GTF2A2: variants seen among roughly 807,000 people sequenced by gnomAD.
GTF2A2 encodes the protein transcription initiation factor IIA subunit 2.
A neutral mutation model predicts 14.3 loss-of-function variants in GTF2A2; 9 were observed. The observed-to-expected ratio is 0.63, with a 90% CI of 0.38 to 1.10. GTF2A2 has a LOEUF of 1.10. GTF2A2 is among the 50% of genes least tolerant of loss of function. GTF2A2 has a pLI of 0.01. For missense variants in GTF2A2, 90 were observed against 124.6 expected (o/e 0.72, Z 1.32); for synonymous variants, 56 against 46.0 (o/e 1.22, Z -0.88).
At chr15:59,645,059 A>C (rs1891557250) in intron 3 of GTF2A2, among the ~76,000 whole-genome samples, 1 of 152,120 alleles carries the variant, frequency 6.6e-6, no homozygotes, top group Non-Finnish European at 1.5e-5. Flanking sequence ...AAATGGAGAG[A>C]CTTTTAAAGT....
intron 2 of GTF2A2, chr15:59,651,979 T>C (rs1194952758): frequency 9.6e-6 from 4 of 414,640 alleles, no homozygotes; most frequent in East Asian, 9.2e-5. Flanking sequence ...ACACTGCATG[T>C]ACCCAGATTT....
At chr15:59,652,554 C>G (rs1891827907) in intron 1 of GTF2A2, among the ~76,000 whole-genome samples, 1 of 152,060 alleles carries the variant, frequency 6.6e-6, no homozygotes, top group Non-Finnish European at 1.5e-5. Flanking sequence ...TGCAGTATAG[C>G]TGTTATATTT....
At chr15:59,640,174 T>C (rs8035506) in intron 4 of GTF2A2, 87,514 of 152,144 alleles carry the variant, frequency 0.58, 25,872 homozygotes, top group Middle Eastern at 0.67. Context: ...CGTGCTGAAG[T>C]GTGAGGGAAA....
intron 4 of GTF2A2, among the ~76,000 whole-genome samples, chr15:59,639,540 A>AGGCTCTGCCCCCCGGGGGTTC (rs1488300602): frequency 1.4e-5 from 2 of 147,548 alleles, no homozygotes; most frequent in Non-Finnish European, 3.0e-5. Context: ...GGCTCACTGC[A>AGGCTCTGCCCCCCGGGGGTTC]GGCTCTGCCC....
At chr15:59,653,453 T>C (rs1360740892) in intron 1 of GTF2A2, among the ~76,000 whole-genome samples, 1 of 152,208 alleles carries the variant, frequency 6.6e-6, no homozygotes, top group East Asian at 1.9e-4. Context: ...TCTGCCTTCT[T>C]GAAACATTTC....
Position 59,657,495 on chromosome 15 carries a change from C to A in GTF2A2, c.-139G>T, listed in dbSNP as rs1290869470. The A allele has an allele frequency of 1.3e-5, 2 of 152,362 alleles. No individual in the cohort carries two copies. Among genetic ancestry groups the A allele is most frequent in the African/African-American group, 4.8e-5 (2 of 41,462 alleles). The allele number at this position is 152,362 out of a possible 1,614,324, so 9.4% of individuals were successfully genotyped here. On this transcript the variant is annotated 5_prime_UTR_variant, in exon 1 of 5. Transcript: ENST00000396060. ...CTACTTCTCCGACCACCTCTCCAGC[C>A]GCCGCAGAAACCGCAGAACTGAGCT...
chr15:59,639,012 C>G lies in GTF2A2; in HGVS notation c.*120G>C, dbSNP rs992986029. The G allele has an allele frequency of 1.2e-5, 8 of 673,390 alleles. No homozygotes were observed. Among genetic ancestry groups the G allele is most frequent in the Admixed American group, 1.0e-4 (4 of 38,826 alleles). 41.7% of individuals were successfully genotyped at this position (673,390 alleles called of 1,614,324 possible). A position where few individuals can be genotyped will look rare whatever the true frequency, so the allele number is the denominator to read the frequency against. ...ACAAGTTTCTTTCTACTGGAATTCTCTGGTATAGCACAGTGTAGTCATTTC... is the reference window on the plus strand; with the variant it reads ...ACAAGTTTCTTTCTACTGGAATTCTGTGGTATAGCACAGTGTAGTCATTTC... On this transcript the variant is annotated 3_prime_UTR_variant, in exon 5 of 5. Transcript: ENST00000396060.
At chr15:59,646,790 T>A (rs1352958103) in intron 3 of GTF2A2, among the ~76,000 whole-genome samples, 1 of 152,168 alleles carries the variant, frequency 6.6e-6, no homozygotes, top group Non-Finnish European at 1.5e-5. Context: ...ACGTAACTTC[T>A]GAGCCAACAA....
At chr15:59,643,252 G>A (rs952104042) in intron 3 of GTF2A2, among the ~76,000 whole-genome samples, 1 of 150,646 alleles carries the variant, frequency 6.6e-6, no homozygotes, top group Non-Finnish European at 1.5e-5. Context: ...GCTAACTTTT[G>A]TATTTTTAGT....
In GTF2A2 at chr15:59,651,624, CTAAATTTGAG is replaced by C. The variant is rs1444973547; in HGVS notation, c.72+572_72+581del. 2.0e-5 allele frequency: 3 copies of C among 152,276 alleles called. No individual in the cohort carries two copies. In the East Asian group the frequency reaches 5.8e-4, roughly 29 times the overall value. The allele number at this position is 152,276 out of a possible 1,614,324, so 9.4% of individuals were successfully genotyped here. A position where few individuals can be genotyped will look rare whatever the true frequency, so the allele number is the denominator to read the frequency against. On this transcript the variant is annotated intron_variant, in intron 2 of 4. Coordinates refer to ENST00000396060, the MANE Select transcript of GTF2A2 (RefSeq NM_004492.3). ...GCTAAAAAGTATATGACTTTCTTCC[CTAAATTTGAG>C]AAGGGGGAAACCAACAATCTCAATT...
At chr15:59,647,690 C>T (rs925720860) in intron 3 of GTF2A2, among the ~76,000 whole-genome samples, 6 of 152,008 alleles carry the variant, frequency 3.9e-5, no homozygotes, top group Non-Finnish European at 7.4e-5. Flanking sequence ...GCGATTCTCC[C>T]GCCTCAGCCT....
At chr15:59,640,354 G>GTATT (rs1891369623) in intron 4 of GTF2A2, 1 of 152,140 alleles carries the variant, frequency 6.6e-6, no homozygotes, top group African/African-American at 2.4e-5. Flanking sequence ...TTATACACCA[G>GTATT]TATTTATTCT....
intron 3 of GTF2A2, among the ~76,000 whole-genome samples, chr15:59,645,584 G>A (rs867154727): frequency 6.6e-6 from 1 of 152,144 alleles, no homozygotes; most frequent in African/African-American, 2.4e-5. Flanking sequence ...GACGTTAAGG[G>A]AAAAAGACAC....
chr15:59,651,641 G>A (rs1243601102), intron 2 of GTF2A2: 1 of 152,178 alleles, frequency 6.6e-6, no homozygotes, highest in East Asian at 1.9e-4. Context: ...TGAGAAGGGG[G>A]AAACCAACAA....
At chr15:59,647,480 A>G (rs1444050550) in intron 3 of GTF2A2, among the ~76,000 whole-genome samples, 1 of 152,216 alleles carries the variant, frequency 6.6e-6, no homozygotes, top group Non-Finnish European at 1.5e-5. Flanking sequence ...CTTTGGTCAA[A>G]TATTACTTTT....
chr15:59,642,839 T>C (rs1891475961), intron 3 of GTF2A2, among the ~76,000 whole-genome samples: 1 of 152,180 alleles, frequency 6.6e-6, no homozygotes, highest in African/African-American at 2.4e-5. Context: ...CGATCTTGGC[T>C]CACTGCAACC....
chr15:59,638,342 C>A lies in GTF2A2; in HGVS notation c.*790G>T, dbSNP rs745880581. ...AGTTAACCATGTAAGAAACTCCTCA[C>A]CTAGGGTCAGTATGTTACTTCTGTA... On this transcript the variant is annotated 3_prime_UTR_variant, in exon 5 of 5. Transcript: ENST00000396060. 6.6e-6 allele frequency: 1 copy of A among 152,120 alleles called. No homozygotes were observed. Among genetic ancestry groups the A allele is most frequent in the African/African-American group, 2.4e-5 (1 of 41,408 alleles). The allele number at this position is 152,120 out of a possible 1,614,324, so 9.4% of individuals were successfully genotyped here.
chr15:59,640,901 A>AAAGTT (rs2141955522), intron 4 of GTF2A2, among the ~76,000 whole-genome samples: 1 of 151,580 alleles, frequency 6.6e-6, no homozygotes, highest in South Asian at 2.1e-4. Context: ...ACTATAATAA[A>AAAGTT]AAGTTAACTA....
intron 3 of GTF2A2, among the ~76,000 whole-genome samples, chr15:59,648,523 T>C (rs2141963190): frequency 6.6e-6 from 1 of 152,186 alleles, no homozygotes; most frequent in East Asian, 1.9e-4. Context: ...TATGAGTTTT[T>C]TACTAATAAA....
Sources: gnomAD v4.1 joint callset for allele counts (sites outside exome capture counted in the v4.1 genomes callset) on GRCh38, gnomAD v4.1.1 for gene constraint, MANE v1.5 for transcripts, NCBI Gene and HGNC (gene_info 2026-07-23, HGNC 2026-07-21) for gene names.